SNTG2: variants seen among roughly 807,000 people sequenced by gnomAD.
The protein encoded by SNTG2 is gamma-2-syntrophin.
Under a neutral mutation model 70.9 loss-of-function variants are expected in SNTG2, and 74 were observed. The ratio of observed to expected loss-of-function variants is 1.04; its 90% CI spans 0.86 to 1.27. SNTG2 has a LOEUF of 1.27. Among genes scored for constraint, SNTG2 ranks in the 50% most tolerant of loss-of-function variants. The pLI, the probability that SNTG2 is intolerant of heterozygous loss-of-function variation, is 0.00. For synonymous variants in SNTG2, 278 were observed against 273.8 expected, an observed-to-expected ratio of 1.02 and a Z score of -0.15; for missense variants, 717 against 690.7, an observed-to-expected ratio of 1.04 and a Z score of -0.43.
chr2:1,174,492 T>C (rs758896195), intron 8 of SNTG2, among the ~76,000 whole-genome samples: 1 of 152,182 alleles, frequency 6.6e-6, no homozygotes, highest in Non-Finnish European at 1.5e-5. Flanking sequence ...TTTTCTAGTT[T>C]ATCATCATTA....
At chr2:1,133,409 A>G (rs753383102) in intron 4 of SNTG2, among the ~76,000 whole-genome samples, 12 of 152,250 alleles carry the variant, frequency 7.9e-5, no homozygotes, top group Non-Finnish European at 1.8e-4. Flanking sequence ...AGATAACCCT[A>G]TAATTACTTT....
chr2:1,250,604 CTCTATT>C, intron 12 of SNTG2, among the ~76,000 whole-genome samples: 2 of 151,642 alleles, frequency 1.3e-5, no homozygotes, highest in Non-Finnish European at 2.9e-5. Flanking sequence ...CTCTGTCTGA[CTCTATT>C]TCTCTCTATC....
intron 1 of SNTG2, among the ~76,000 whole-genome samples, chr2:1,045,726 T>C (rs1431334171): frequency 6.6e-6 from 1 of 152,152 alleles, no homozygotes; most frequent in Non-Finnish European, 1.5e-5. Flanking sequence ...ACTTTTATTG[T>C]GCTGTAATAT....
chr2:1,222,073 G>GTCTCTCTCTGTCTCTGCCTA lies in SNTG2; in HGVS notation c.719+12848_719+12849insCTCTGTCTCTGCCTATCTCT, dbSNP rs1322824210. ...TCTCTCTCTGTCTCTGTTTCTCTCT[G>GTCTCTCTCTGTCTCTGCCTA]TCTCTGTCTCTGTCTCTCTCTGTCT... On this transcript the variant is annotated intron_variant, in intron 9 of 16. Transcript: ENST00000308624. Among the ~76,000 whole-genome samples the GTCTCTCTCTGTCTCTGCCTA allele has an allele frequency of 8.6e-4, 4 of 4,634 alleles. 1 individual carries two copies. Among genetic ancestry groups the GTCTCTCTCTGTCTCTGCCTA allele is most frequent in the Admixed American group, 6.2e-3 (3 of 484 alleles). 3.0% of individuals were successfully genotyped at this position (4,634 alleles called of 152,430 possible).
chr2:1,161,985 A>C (rs1179546166), intron 6 of SNTG2, among the ~76,000 whole-genome samples: 1 of 144,938 alleles, frequency 6.9e-6, no homozygotes, highest in Non-Finnish European at 1.5e-5. Context: ...GAGGCAGGAG[A>C]ATTGTGTGAA....
chr2:956,587 G>T lies in SNTG2; in HGVS notation c.72+5519G>T, dbSNP rs1010469967. On this transcript the variant is annotated intron_variant, in intron 1 of 16. Transcript: ENST00000308624. ...GAGGACCCGCTCCCCCAGGGCCCCG[G>T]CCCACCCGTGGCTGTGAATGGGCCC... Among the ~76,000 whole-genome samples the T allele has an allele frequency of 2.6e-5, 4 of 152,198 alleles. No individual in the cohort carries two copies. In the South Asian group the frequency reaches 8.3e-4, roughly 32 times the overall value.
chr2:1,103,543 CCACGCTCGG>C (rs1169884858), intron 4 of SNTG2: 7 of 168,144 alleles, frequency 4.2e-5, no homozygotes, highest in African/African-American at 1.7e-4. Context: ...GCACCCGCCA[CCACGCTCGG>C]CTAATTTTTG....
At position 1,340,268 on chromosome 2, in the gene SNTG2, GGAA is replaced by G. The variant is rs147768147; in HGVS notation, c.1488+23898_1488+23900del. Reference sequence around the variant, plus strand: ...CCGAGATGCCGGTTGTTATTACCCTGGAAGAAGGGGTGGGAAGAGGAGTCTATG... The same window carrying G: ...CCGAGATGCCGGTTGTTATTACCCTGGAAGGGGTGGGAAGAGGAGTCTATG... On this transcript the variant is annotated intron_variant, in intron 16 of 16. Coordinates refer to ENST00000308624, the MANE Select transcript of SNTG2 (RefSeq NM_018968.4). 5.0e-3 allele frequency among the ~76,000 whole-genome samples: 758 copies of G among 152,340 alleles called. 31 individuals are homozygous for G. In the East Asian group the frequency reaches 0.12, roughly 24 times the overall value.
intron 8 of SNTG2, among the ~76,000 whole-genome samples, chr2:1,192,254 G>A (rs1329237091): frequency 6.6e-6 from 1 of 152,136 alleles, no homozygotes; most frequent in Non-Finnish European, 1.5e-5. Flanking sequence ...TTCTGTTTAG[G>A]TGATTTAGAA....
chr2:1,044,693 G>A lies in SNTG2; in HGVS notation c.73-38825G>A, dbSNP rs111416112. Among the ~76,000 whole-genome samples the A allele has an allele frequency of 7.1e-3, 1,076 of 152,092 alleles. 15 individuals are homozygous for A. Among genetic ancestry groups the A allele is most frequent in the African/African-American group, 0.025 (1,027 of 41,506 alleles). On this transcript the variant is annotated intron_variant, in intron 1 of 16. Transcript: ENST00000308624. ...TTATCTTCATGTGATGAAGTATATCGATTTATTTGCATATGTTGAACCAAC... is the reference window on the plus strand; with the variant it reads ...TTATCTTCATGTGATGAAGTATATCAATTTATTTGCATATGTTGAACCAAC...
Position 1,114,202 on chromosome 2 carries a change from C to T in SNTG2, c.325+15792C>T, listed in dbSNP as rs182146591. ...GTAACTAAGTGAGGTTTAACCCTTA[C>T]GGTCCTTTGAGGAGGATCTTGTGTA... On this transcript the variant is annotated intron_variant, in intron 4 of 16. Transcript: ENST00000308624. Among the ~76,000 whole-genome samples, 30 of 148,894 alleles carry T rather than the reference C, an allele frequency of 2.0e-4. No homozygotes were observed. In the South Asian group the frequency reaches 2.4e-3, roughly 12 times the overall value.
At chr2:1,366,556 T>G (rs575043165) in intron 16 of SNTG2, among the ~76,000 whole-genome samples, 1 of 152,228 alleles carries the variant, frequency 6.6e-6, no homozygotes, top group African/African-American at 2.4e-5. Context: ...GTTTTTTTAT[T>G]GGGAGGGGGT....
chr2:1,080,695 T>G (rs1360657019), intron 1 of SNTG2, among the ~76,000 whole-genome samples: 4 of 151,652 alleles, frequency 2.6e-5, no homozygotes. Context: ...CATGAGTGTT[T>G]GGGCATGTGT....
At chr2:1,258,453 A>C (rs1217368517) in intron 12 of SNTG2, among the ~76,000 whole-genome samples, 1 of 152,240 alleles carries the variant, frequency 6.6e-6, no homozygotes, top group Non-Finnish European at 1.5e-5. Context: ...GGGCAATAAA[A>C]TATTAAATAG....
intron 16 of SNTG2, among the ~76,000 whole-genome samples, chr2:1,362,893 C>T (rs74992388): frequency 1.1e-4 from 17 of 151,792 alleles, no homozygotes; most frequent in South Asian, 6.3e-4. Flanking sequence ...AAGTCACCAA[C>T]GCTGAGCATT....
At chr2:1,109,703 T>G (rs1016738432) in intron 4 of SNTG2, among the ~76,000 whole-genome samples, 3 of 152,228 alleles carry the variant, frequency 2.0e-5, no homozygotes, top group Admixed American at 1.3e-4. Context: ...AGCCACAGTT[T>G]AATTCCACTT....
intron 9 of SNTG2, 120 bp from the exon 10 acceptor site, chr2:1,237,768 G>A: frequency 7.8e-7 from 1 of 1,278,168 alleles, no homozygotes; most frequent in Admixed American, 2.5e-5. Context: ...AGGAAGTGGT[G>A]CAGTTGCCCC....
chr2:951,016 C>T lies in SNTG2; in HGVS notation c.20C>T (p.Pro7Leu). ...GCGGCGATGGGCACCGAGGGACCCC[C>T]GCCCCCGGCCGCCTCCCGCGGACGC... is the stretch of plus-strand genomic sequence containing the variant. MGTEGP[P>L]PPAASRGRQG... Residue 7 changes from proline to leucine, a missense_variant, in exon 1 of 17, where the codon CCG (proline) becomes CTG (leucine). Pro to Leu is a moderately conservative substitution (Grantham distance 98). Transcript: ENST00000308624. 2 of 1,264,064 alleles carry T rather than the reference C, an allele frequency of 1.6e-6. No individual in the cohort carries two copies. Among genetic ancestry groups the T allele is most frequent in the Non-Finnish European group, 2.0e-6 (2 of 1,007,752 alleles). The allele number at this position is 1,264,064 out of a possible 1,614,324, so 78.3% of individuals were successfully genotyped here.
At chr2:982,337 G>C (rs1324568931) in intron 1 of SNTG2, among the ~76,000 whole-genome samples, 1 of 152,040 alleles carries the variant, frequency 6.6e-6, no homozygotes, top group Non-Finnish European at 1.5e-5. Context: ...CTTTTTCTTT[G>C]AGAATAATTG....
Sources: allele counts gnomAD v4.1 joint callset (sites outside exome capture counted in the v4.1 genomes callset), GRCh38; gene constraint gnomAD v4.1.1; transcripts MANE v1.5; gene names NCBI Gene and HGNC (gene_info 2026-07-23, HGNC 2026-07-21).